Variants in PLBD1 observed in about 807,000 individuals in gnomAD.
PLBD1 encodes the protein lysosomal leucine aminopeptidase.
A neutral mutation model predicts 63.0 loss-of-function variants in PLBD1; 60 were observed. The observed-to-expected ratio is 0.95, with a 90% CI of 0.77 to 1.18. PLBD1 has a LOEUF of 1.18. Ranked by LOEUF, PLBD1 falls within the 50% of genes most tolerant of loss-of-function variation. The pLI is 0.00. For missense variants in PLBD1, 598 were observed against 677.9 expected (o/e 0.88, Z 1.31); for synonymous variants, 262 against 248.0 (o/e 1.06, Z -0.53).
intron 1 of PLBD1, among the ~76,000 whole-genome samples, chr12:14,559,481 T>G (rs1945730460): frequency 6.6e-6 from 1 of 152,170 alleles, no homozygotes. Flanking sequence ...AGAGCACTCA[T>G]TCACAGAAGT....
At chr12:14,550,210 A>C (rs544706114) in intron 2 of PLBD1, among the ~76,000 whole-genome samples, 1 of 152,092 alleles carries the variant, frequency 6.6e-6, no homozygotes, top group African/African-American at 2.4e-5. Flanking sequence ...AGCTCTTTTG[A>C]GGTTGTTCTC....
At chr12:14,532,331 C>T (rs562211092) in intron 6 of PLBD1, among the ~76,000 whole-genome samples, 3 of 152,298 alleles carry the variant, frequency 2.0e-5, no homozygotes, top group East Asian at 3.9e-4. Flanking sequence ...AAGGACTGAC[C>T]GACACATGGT....
At chr12:14,532,088 C>A (rs1945469495) in intron 6 of PLBD1, among the ~76,000 whole-genome samples, 1 of 152,180 alleles carries the variant, frequency 6.6e-6, no homozygotes, top group African/African-American at 2.4e-5. Context: ...GAACCCTCCC[C>A]CACCTTCACT....
chr12:14,528,978 T>A (rs1361547563), intron 6 of PLBD1, among the ~76,000 whole-genome samples: 1 of 152,068 alleles, frequency 6.6e-6, no homozygotes, highest in African/African-American at 2.4e-5. Flanking sequence ...ATTAATAACT[T>A]TTCAACAAAT....
At chr12:14,562,147 CCA>C (rs1945745777) in intron 1 of PLBD1, among the ~76,000 whole-genome samples, 3 of 152,102 alleles carry the variant, frequency 2.0e-5, no homozygotes, top group Non-Finnish European at 1.5e-5. Flanking sequence ...CAAGAGACTT[CCA>C]CAGTTTTCTC....
At chr12:14,509,004 C>T (rs960563985) in intron 8 of PLBD1, among the ~76,000 whole-genome samples, 1 of 146,138 alleles carries the variant, frequency 6.8e-6, no homozygotes, top group Non-Finnish European at 1.5e-5. Flanking sequence ...CCGACCCCGA[C>T]GCCCCCGCCT....
chr12:14,515,375 C>T (rs1945329487), intron 6 of PLBD1, among the ~76,000 whole-genome samples: 1 of 151,094 alleles, frequency 6.6e-6, no homozygotes, highest in African/African-American at 2.4e-5. Context: ...GGGATGGTAC[C>T]AATGAGGAGA....
rs373950145 is a variant in PLBD1 at position 14,567,544 on chromosome 12, T to G, written c.115+38A>C. On this transcript the variant is annotated intron_variant, in intron 1 of 10. Coordinates refer to ENST00000240617, the MANE Select transcript of PLBD1 (RefSeq NM_024829.6). ...GGGCGCTAACAGGCTCCTAGGAGCCTCCCCGGGCGCCCCCCGCCCAGGGCG... is the reference window on the plus strand; with the variant it reads ...GGGCGCTAACAGGCTCCTAGGAGCCGCCCCGGGCGCCCCCCGCCCAGGGCG... The G allele has an allele frequency of 3.1e-5, 45 of 1,462,104 alleles. No homozygotes were observed. In the South Asian group the frequency reaches 3.8e-4, roughly 12 times the overall value. 90.6% of individuals were successfully genotyped at this position (1,462,104 alleles called of 1,614,324 possible). A position where few individuals can be genotyped will look rare whatever the true frequency, so the allele number is the denominator to read the frequency against.
chr12:14,518,045 G>GTC (rs1172675454), intron 6 of PLBD1, among the ~76,000 whole-genome samples: 1 of 152,070 alleles, frequency 6.6e-6, no homozygotes, highest in Non-Finnish European at 1.5e-5. Flanking sequence ...GCCGGGCGTG[G>GTC]TCACACACAC....
chr12:14,565,006 T>C (rs1286195897), intron 1 of PLBD1, among the ~76,000 whole-genome samples: 1 of 152,172 alleles, frequency 6.6e-6, no homozygotes, highest in African/African-American at 2.4e-5. Context: ...TATAAGGACC[T>C]TCTAAAATCA....
intron 1 of PLBD1, among the ~76,000 whole-genome samples, chr12:14,555,544 C>CA (rs997961318): frequency 1.3e-4 from 20 of 151,942 alleles, no homozygotes; most frequent in African/African-American, 4.6e-4. Flanking sequence ...GTCTCAAAAA[C>CA]AAAAAAACAA....
At position 14,538,871 on chromosome 12, in the gene PLBD1, C is replaced by T. The variant is rs543487273; in HGVS notation, c.558+1893G>A. 2.3e-4 allele frequency among the ~76,000 whole-genome samples: 35 copies of T among 152,094 alleles called. No homozygotes were observed. In the South Asian group the frequency reaches 7.3e-3, roughly 32 times the overall value. ...TGAAACCCCATCTCTATTAAAAATA[C>T]AAAAATTAGCCGGGCATGGTGGCGC... On this transcript the variant is annotated intron_variant, in intron 4 of 10. Transcript: ENST00000240617.
chr12:14,550,743 T>G (rs1258831472), intron 2 of PLBD1, among the ~76,000 whole-genome samples: 7 of 152,050 alleles, frequency 4.6e-5, no homozygotes, highest in African/African-American at 1.7e-4. Flanking sequence ...CCAGGCGTGG[T>G]GGCTCATGCC....
intron 2 of PLBD1, among the ~76,000 whole-genome samples, chr12:14,546,774 G>A (rs1482584791): frequency 1.3e-5 from 2 of 152,200 alleles, no homozygotes; most frequent in Non-Finnish European, 2.9e-5. Flanking sequence ...CCTGACTTGA[G>A]TGTCATTGCT....
chr12:14,507,149 GGATT>G (rs1368678353), intron 8 of PLBD1, 31 bp from the exon 9 acceptor site: 1 of 1,486,434 alleles, frequency 6.7e-7, no homozygotes, highest in African/African-American at 1.4e-5. Context: ...AGTAAGGGAG[GGATT>G]GACAGGGAAG....
intron 8 of PLBD1, among the ~76,000 whole-genome samples, chr12:14,508,685 G>A (rs563430773): frequency 2.0e-5 from 3 of 152,236 alleles, no homozygotes; most frequent in South Asian, 2.1e-4. Flanking sequence ...CCCGAGAACC[G>A]CTTGAACCCG....
chr12:14,538,753 C>T (rs940125854), intron 4 of PLBD1, among the ~76,000 whole-genome samples: 2 of 152,172 alleles, frequency 1.3e-5, no homozygotes, highest in Non-Finnish European at 2.9e-5. Context: ...TGGCCGGGCA[C>T]AGTGGCTTAT....
rs2287541 is a variant in PLBD1, at chr12:14,511,316, A to G, written c.1130T>C (p.Val377Ala). The change falls in exon 8 of 11, where the codon GTG becomes GCG. Residue 377 changes from valine to alanine, a missense_variant. Transcript: ENST00000240617. ...TTCTACATATGTAGGAATTTGCTCC[A>G]CAATGTACAGAGTGCCTTTGTCAAG... ...HSLDKGTLYI[V>A]EQIPTYVEYS... The G allele has an allele frequency of 0.072, 116,748 of 1,611,682 alleles. 6,099 individuals are homozygous for G. The highest frequency in any genetic ancestry group is 0.27 in the Admixed American group (15,756 of 59,350).
At position 14,535,760 on chromosome 12, in the gene PLBD1, C is replaced by T; in HGVS notation, c.743G>A (p.Trp248Ter). Residue 248 changes from tryptophan (W) to a stop codon, truncating the protein, a stop_gained, in exon 6 of 11, where the codon TGG becomes TAG. Coordinates refer to ENST00000240617, the MANE Select transcript of PLBD1 (RefSeq NM_024829.6). LOFTEE classifies it high-confidence loss of function. ...CCTGAGCATGGCTGCATACGTGTAC[C>T]AGCTTGAGTGAGCAAAAAGGATGTT... Reference protein sequence around the residue: ...FENILFAHSSWYTYAAMLRIY... With the variant: ...FENILFAHSS 3 of 1,613,996 alleles carry T rather than the reference C, an allele frequency of 1.9e-6. No individual in the cohort carries two copies. The highest frequency in any genetic ancestry group is 2.5e-6 in the Non-Finnish European group (3 of 1,179,976).
Sources: allele counts gnomAD v4.1 joint callset (sites outside exome capture counted in the v4.1 genomes callset), GRCh38; gene constraint gnomAD v4.1.1; transcripts MANE v1.5; gene names NCBI Gene and HGNC (gene_info 2026-07-23, HGNC 2026-07-21).